MEIKIN: variants seen among roughly 807,000 people sequenced by gnomAD.
The protein encoded by MEIKIN is meiosis-specific kinetochore protein.
At chr5:131,838,569 A>T (rs1407902513) in intron 11 of MEIKIN, among the ~76,000 whole-genome samples, 1 of 90,774 alleles carries the variant, frequency 1.1e-5, no homozygotes, top group East Asian at 2.7e-4. Context: ...CTGGTTCAGG[A>T]AGGTGTATGT....
Position 131,942,662 on chromosome 5 carries a change from T to C in MEIKIN, c.322A>G (p.Ser108Gly), listed in dbSNP as rs2149656319. The C allele has an allele frequency of 2.5e-6, 1 of 398,600 alleles. No homozygotes were observed. Among genetic ancestry groups the C allele is most frequent in the East Asian group, 3.6e-5 (1 of 27,968 alleles). 24.7% of individuals were successfully genotyped at this position (398,600 alleles called of 1,614,324 possible). ...SVTDDLQVDS[S>G]SSNSELVSGL... ...GATACTAGTTCACTATTTGATGAAC[T>C]ACTATCAACCTGGAGGTCATCAGTA... Residue 108 changes from serine (S) to glycine (G), a missense_variant, in exon 4 of 13, where the codon AGT becomes GGT. Transcript: ENST00000442687.
chr5:131,814,278 C>CT (rs35694343), intron 12 of MEIKIN, among the ~76,000 whole-genome samples: 64 of 137,080 alleles, frequency 4.7e-4, no homozygotes, highest in South Asian at 3.3e-3. Flanking sequence ...TTGGACAGAT[C>CT]TTTTTTTTTT....
At chr5:131,858,923 AAT>A (rs1750238520) in intron 9 of MEIKIN, among the ~76,000 whole-genome samples, 1 of 152,204 alleles carries the variant, frequency 6.6e-6, no homozygotes. Context: ...GTCAAAAACT[AAT>A]AGATGCTAGC....
At chr5:131,828,558 G>A (rs1168866017) in intron 11 of MEIKIN, among the ~76,000 whole-genome samples, 1 of 152,090 alleles carries the variant, frequency 6.6e-6, no homozygotes. Flanking sequence ...AGCTAAGAAG[G>A]CCAATACAGG....
At chr5:131,935,017 G>A (rs1164365403) in intron 4 of MEIKIN, among the ~76,000 whole-genome samples, 7 of 150,968 alleles carry the variant, frequency 4.6e-5, no homozygotes, top group African/African-American at 1.5e-4. Context: ...GATCAAGATC[G>A]GCCACTGAAC....
At chr5:131,894,159 C>T (rs928971459) in intron 8 of MEIKIN, among the ~76,000 whole-genome samples, 2 of 152,134 alleles carry the variant, frequency 1.3e-5, no homozygotes, top group African/African-American at 2.4e-5. Flanking sequence ...ATAGGGAATC[C>T]TTTCCCCATT....
At chr5:131,894,140 A>G (rs892342139) in intron 8 of MEIKIN, among the ~76,000 whole-genome samples, 8 of 152,156 alleles carry the variant, frequency 5.3e-5, no homozygotes, top group Non-Finnish European at 1.0e-4. Context: ...TCCCAGCACC[A>G]TTTATTAAAT....
At chr5:131,943,742 G>A (rs1580606341) in intron 3 of MEIKIN, among the ~76,000 whole-genome samples, 1 of 151,942 alleles carries the variant, frequency 6.6e-6, no homozygotes, top group African/African-American at 2.4e-5. Context: ...TTAAACTATG[G>A]ATAAAAGCCT....
Position 131,855,507 on chromosome 5 carries a change from G to C in MEIKIN, c.775-673C>G, listed in dbSNP as rs1330894173. Among the ~76,000 whole-genome samples the C allele has an allele frequency of 2.0e-5, 3 of 151,944 alleles. No individual in the cohort carries two copies. The South Asian group carries it at 6.2e-4, about 32-fold the overall frequency. ...AGACCTAAAGAAAGTGACAGAAAGC[G>C]AGGAAGCGACAGGCCAAAAGAGAGA... On this transcript the variant is annotated intron_variant, in intron 9 of 12. Transcript: ENST00000442687.
chr5:131,808,580 G>A (rs190050523), intron 12 of MEIKIN, among the ~76,000 whole-genome samples: 1 of 152,244 alleles, frequency 6.6e-6, no homozygotes, highest in African/African-American at 2.4e-5. Context: ...AGATCCCTGA[G>A]GCGATTACTT....
intron 11 of MEIKIN, among the ~76,000 whole-genome samples, chr5:131,823,901 A>G (rs1197865664): frequency 6.6e-6 from 1 of 152,222 alleles, no homozygotes; most frequent in Non-Finnish European, 1.5e-5. Flanking sequence ...GCAGACTTGT[A>G]GCAGTACCAC....
At chr5:131,895,725 T>C (rs143126971) in intron 8 of MEIKIN, among the ~76,000 whole-genome samples, 1,804 of 152,322 alleles carry the variant, frequency 0.012, 14 homozygotes, top group Non-Finnish European at 0.02. Flanking sequence ...CTGGGATCAG[T>C]GGTGATATCC....
At chr5:131,902,855 C>A (rs1751182420) in intron 8 of MEIKIN, among the ~76,000 whole-genome samples, 2 of 152,114 alleles carry the variant, frequency 1.3e-5, no homozygotes, top group Non-Finnish European at 2.9e-5. Flanking sequence ...GAACGAGGAT[C>A]ATCGACATAC....
chr5:131,945,312 G>A (rs1375702935), intron 1 of MEIKIN, 63 bp from the exon 2 acceptor site: 2 of 398,936 alleles, frequency 5.0e-6, no homozygotes, highest in African/African-American at 2.1e-5. Flanking sequence ...GGGGTCCTGG[G>A]CCCGAGGCCT....
At chr5:131,808,547 A>G (rs1772890595) in intron 12 of MEIKIN, among the ~76,000 whole-genome samples, 1 of 152,288 alleles carries the variant, frequency 6.6e-6, no homozygotes, top group East Asian at 1.9e-4. Flanking sequence ...TGGTTCTCCT[A>G]AATCCTACAA....
chr5:131,840,023 G>A (rs1749876033), intron 11 of MEIKIN, among the ~76,000 whole-genome samples: 1 of 152,192 alleles, frequency 6.6e-6, no homozygotes, highest in African/African-American at 2.4e-5. Flanking sequence ...TTCTTCAGAA[G>A]CTCTTGCCTC....
chr5:131,836,725 C>T (rs567422598), intron 11 of MEIKIN, among the ~76,000 whole-genome samples: 177 of 149,282 alleles, frequency 1.2e-3, no homozygotes, highest in African/African-American at 4.2e-3. Flanking sequence ...GCATGTCCTT[C>T]GTCCACTTTT....
At chr5:131,821,507 G>T (rs1375852100) in intron 11 of MEIKIN, among the ~76,000 whole-genome samples, 1 of 151,926 alleles carries the variant, frequency 6.6e-6, no homozygotes, top group African/African-American at 2.4e-5. Context: ...TATCTATTAG[G>T]TCCATTTGTT....
At chr5:131,824,531 CAAAACAAA>C (rs1749577553) in intron 11 of MEIKIN, among the ~76,000 whole-genome samples, 1 of 151,158 alleles carries the variant, frequency 6.6e-6, no homozygotes, top group Non-Finnish European at 1.5e-5. Context: ...TAAAACAAAA[CAAAACAAA>C]AAAACAAAAC....
Sources: gnomAD v4.1 joint callset for allele counts (sites outside exome capture counted in the v4.1 genomes callset) on GRCh38, gnomAD v4.1.1 for gene constraint, MANE v1.5 for transcripts, NCBI Gene and HGNC (gene_info 2026-07-23, HGNC 2026-07-21) for gene names.